Variants in HEATR4 observed in about 807,000 individuals in gnomAD.
HEATR4 encodes the protein HEAT repeat containing 4.
A neutral mutation model predicts 108.8 loss-of-function variants in HEATR4; 95 were observed. The observed-to-expected ratio is 0.87, with a 90% CI of 0.74 to 1.04. The LOEUF (loss-of-function observed/expected upper bound fraction) is 1.04, where lower values mean the gene tolerates loss of function less well. Among genes scored for constraint, HEATR4 ranks in the 50% least tolerant of loss-of-function variants. HEATR4 has a pLI of 0.00. For synonymous variants in HEATR4, 443 were observed against 459.4 expected (o/e 0.96, Z 0.46); for missense variants, 1,152 against 1,253.8 (o/e 0.92, Z 1.23).
the HEATR4 span, among the ~76,000 whole-genome samples, chr14:73,597,168 C>T: frequency 1.8e-3 from 277 of 152,166 alleles, 1 homozygote; most frequent in African/African-American, 6.4e-3. Flanking sequence ...ACTGCAAGCT[C>T]CGCCTCCCAG....
chr14:73,576,862 A>G, the HEATR4 span, among the ~76,000 whole-genome samples: 1 of 146,798 alleles, frequency 6.8e-6, no homozygotes, highest in Non-Finnish European at 1.5e-5. Context: ...TCCACAATAA[A>G]CTTGTTTTTT....
In HEATR4 at chr14:73,492,497, G is replaced by T. The variant is rs758170691; in HGVS notation, c.2844+569C>A. 4 of 1,613,704 alleles carry T rather than the reference G, an allele frequency of 2.5e-6. No individual in the cohort carries two copies. Among genetic ancestry groups the T allele is most frequent in the Non-Finnish European group, 2.5e-6 (3 of 1,179,756 alleles). On this transcript the variant is annotated intron_variant, in intron 17 of 17. Transcript: ENST00000553558. The surrounding 1 kb of genome is among the most constrained non-coding windows in gnomAD (Gnocchi z 4.9). ...TGCCCGCCTGGGACACTTTGCTCCT[G>T]TTGATGCTGTGGCCGACCAGCGAGC...
chr14:73,488,804 C>T (rs1449551598), intron 17 of HEATR4, among the ~76,000 whole-genome samples: 2 of 152,042 alleles, frequency 1.3e-5, no homozygotes, highest in African/African-American at 4.8e-5. Context: ...AGGTGGATCA[C>T]CTGAGGTCAG....
chr14:73,605,635 A>G, the HEATR4 span, among the ~76,000 whole-genome samples: 2 of 130,954 alleles, frequency 1.5e-5, no homozygotes, highest in African/African-American at 5.8e-5. Context: ...CAGTGGTGCA[A>G]TCTTGGCTCA....
chr14:73,608,690 A>G, the HEATR4 span, among the ~76,000 whole-genome samples: 2 of 152,132 alleles, frequency 1.3e-5, no homozygotes, highest in Non-Finnish European at 2.9e-5. Context: ...ATTTTTGGGT[A>G]TCTTTACAGC....
At chr14:73,619,280 A>G in the HEATR4 span, 4 of 1,608,618 alleles carry the variant, frequency 2.5e-6, no homozygotes, top group South Asian at 4.5e-5. Context: ...AAAGGAGGTG[A>G]CCTGTGTCTC....
At chr14:73,521,174 G>A in intron 3 of HEATR4, 135 bp from the exon 4 acceptor site, 2 of 756,046 alleles carry the variant, frequency 2.6e-6, no homozygotes, top group Middle Eastern at 4.0e-4. Flanking sequence ...GAACACCAAT[G>A]TTTAACTTTT....
chr14:73,593,634 T>C, the HEATR4 span: 2 of 1,438,192 alleles, frequency 1.4e-6, no homozygotes, highest in East Asian at 4.6e-5. Flanking sequence ...TGAACCACAG[T>C]GTCCAGCCAG....
At chr14:73,612,362 T>G in the HEATR4 span, 2 of 416,374 alleles carry the variant, frequency 4.8e-6, no homozygotes, top group Non-Finnish European at 8.3e-6. Context: ...TTAACTCTTA[T>G]TTCAGCAGAT....
At chr14:73,600,707 T>G in the HEATR4 span, among the ~76,000 whole-genome samples, 1 of 151,932 alleles carries the variant, frequency 6.6e-6, no homozygotes, top group African/African-American at 2.4e-5. Flanking sequence ...TGCCTAGGCC[T>G]CCTAAAATGC....
chr14:73,595,780 G>A, the HEATR4 span: 367 of 1,216,752 alleles, frequency 3.0e-4, 2 homozygotes, highest in Non-Finnish European at 3.5e-5. Flanking sequence ...TGTATTTTAC[G>A]TAACTTTGTT....
At chr14:73,594,958 G>A in the HEATR4 span, 98 of 1,489,658 alleles carry the variant, frequency 6.6e-5, 1 homozygote, top group South Asian at 6.9e-4. Flanking sequence ...GCCCGCCTCC[G>A]CCTCGCAGAG....
At chr14:73,553,469 C>T (rs1889353659) in intron 1 of HEATR4, among the ~76,000 whole-genome samples, 1 of 112,262 alleles carries the variant, frequency 8.9e-6, no homozygotes, top group South Asian at 2.8e-4. Context: ...CGGGATCGCG[C>T]CACTGCACTC....
chr14:73,524,336 T>TATATATATATATATA (rs1888198687), intron 2 of HEATR4, among the ~76,000 whole-genome samples: 2 of 134,530 alleles, frequency 1.5e-5, no homozygotes, highest in African/African-American at 2.8e-5. Flanking sequence ...TATATATATA[T>TATATATATATATATA]TATAGCTGTA....
intron 8 of HEATR4, among the ~76,000 whole-genome samples, chr14:73,508,648 C>T (rs1007469975): frequency 2.7e-5 from 4 of 150,252 alleles, no homozygotes; most frequent in Non-Finnish European, 5.9e-5. Context: ...ACTTGGGAAG[C>T]CGAGGCAGGA....
At chr14:73,488,151 C>A (rs965511581) in intron 17 of HEATR4, among the ~76,000 whole-genome samples, 3 of 152,092 alleles carry the variant, frequency 2.0e-5, no homozygotes, top group African/African-American at 4.8e-5. Context: ...TGTCCCCACC[C>A]AAATCTCATG....
At chr14:73,589,580 C>G in the HEATR4 span, among the ~76,000 whole-genome samples, 3 of 152,150 alleles carry the variant, frequency 2.0e-5, no homozygotes, top group Admixed American at 6.6e-5. Flanking sequence ...CGGCCTCCCA[C>G]AGCACTGAGA....
rs1429446976 is a variant in HEATR4 at position 73,532,547 on chromosome 14, G to A, written c.-151-2303C>T. On this transcript the variant is annotated intron_variant, in intron 1 of 17. Coordinates refer to ENST00000553558, the MANE Select transcript of HEATR4 (RefSeq NM_001220484.1). ...TCAGGTGGTCCATCTCTTGGTTCCA[G>A]GCAAGACTGCTGCTGCTGACCAACC... 7.1e-5 allele frequency among the ~76,000 whole-genome samples: 8 copies of A among 112,222 alleles called. 3 individuals carry two copies. The highest frequency in any genetic ancestry group is 1.4e-3 in the East Asian group (2 of 1,470). 73.6% of individuals were successfully genotyped at this position (112,222 alleles called of 152,430 possible). A position where few individuals can be genotyped will look rare whatever the true frequency, so the allele number is the denominator to read the frequency against.
chr14:73,509,907 T>A, intron 7 of HEATR4, among the ~76,000 whole-genome samples: 1 of 144,022 alleles, frequency 6.9e-6, no homozygotes, highest in Non-Finnish European at 1.5e-5. Flanking sequence ...GGAGTCTTGT[T>A]CTGTCACCTG....
Sources: gnomAD v4.1 joint callset for allele counts (sites outside exome capture counted in the v4.1 genomes callset) on GRCh38, gnomAD v4.1.1 for gene constraint, Gnocchi (gnomAD v3.1) non-coding constraint, MANE v1.5 for transcripts, NCBI Gene and HGNC (gene_info 2026-07-23, HGNC 2026-07-21) for gene names.